Variants in ANKRD30B observed in about 807,000 individuals in gnomAD.
ANKRD30B encodes ankyrin repeat domain 30B.
In ANKRD30B, 144 loss-of-function variants were observed where a neutral mutation model predicts 202.2. The ratio of observed to expected loss-of-function variants is 0.71; its 90% confidence interval spans 0.62 to 0.82. The LOEUF (loss-of-function observed/expected upper bound fraction) is 0.82. Among genes scored for constraint, ANKRD30B ranks in the 40% least tolerant of loss-of-function variants. The pLI is 0.00. For missense variants in ANKRD30B, 1,487 were observed against 1,669.1 expected, an observed-to-expected ratio of 0.89 and a Z score of 1.90; for synonymous variants, 508 against 561.3, an observed-to-expected ratio of 0.91 and a Z score of 1.34.
At chr18:14,796,897 A>C (rs115909291) in intron 18 of ANKRD30B, among the ~76,000 whole-genome samples, 1,530 of 152,304 alleles carry the variant, frequency 0.01, 23 homozygotes, top group African/African-American at 0.035. Context: ...TTCTGTAACT[A>C]ACATCTGTAT....
chr18:14,846,680 T>G (rs1369634613), intron 39 of ANKRD30B, among the ~76,000 whole-genome samples: 1 of 152,126 alleles, frequency 6.6e-6, no homozygotes, highest in Non-Finnish European at 1.5e-5. Context: ...TAAAATCACC[T>G]TGTTTATTGC....
the ANKRD30B span, among the ~76,000 whole-genome samples, chr18:14,937,027 A>G: frequency 6.6e-6 from 1 of 152,210 alleles, no homozygotes; most frequent in Admixed American, 6.5e-5. Flanking sequence ...GAAGGACTGC[A>G]GAGCCCAAGC....
intron 6 of ANKRD30B, among the ~76,000 whole-genome samples, chr18:14,762,096 T>C (rs1296813733): frequency 6.6e-6 from 1 of 152,220 alleles, no homozygotes; most frequent in Non-Finnish European, 1.5e-5. Context: ...TATTCACTAT[T>C]TATTAAGTGG....
chr18:14,849,212 G>A (rs890929656), intron 40 of ANKRD30B, among the ~76,000 whole-genome samples: 2 of 151,554 alleles, frequency 1.3e-5, no homozygotes, highest in African/African-American at 2.4e-5. Flanking sequence ...TTAATTTTTT[G>A]TATTATAAAT....
rs572046715 is a variant in ANKRD30B, at chr18:14,769,346, A to G, written c.1229A>G (p.Asp410Gly). Residue 410 changes from aspartate (D) to glycine (G), a missense_variant, in exon 8 of 44, where the codon GAT (aspartate) becomes GGT (glycine). Physicochemically the swap from Asp to Gly is moderately conservative, Grantham distance 94 (BLOSUM62 -1). Coordinates refer to ENST00000690538, the MANE Select transcript of ANKRD30B (RefSeq NM_001367607.2). ...TTTTACTTTTTTTCTTTAATAGTGG[A>G]TGTGAGTTCTGTAGAGCCTATATTC... ...ETSTKASTNV[D>G]VSSVEPIFSL... 1 of 1,541,704 alleles carries G rather than the reference A, an allele frequency of 6.5e-7. No homozygotes were observed. Among genetic ancestry groups the G allele is most frequent in the Non-Finnish European group, 8.8e-7 (1 of 1,141,632 alleles).
At chr18:14,926,522 A>T in the ANKRD30B span, among the ~76,000 whole-genome samples, 1 of 152,262 alleles carries the variant, frequency 6.6e-6, no homozygotes, top group Admixed American at 6.5e-5. Flanking sequence ...GCTGTGGCAC[A>T]GGTGTGGACC....
chr18:14,899,593 G>A, the ANKRD30B span, among the ~76,000 whole-genome samples: 1 of 151,906 alleles, frequency 6.6e-6, no homozygotes, highest in Admixed American at 6.6e-5. Flanking sequence ...CAAAACATGC[G>A]ACCAACTCCA....
At chr18:14,891,255 AT>A in the ANKRD30B span, among the ~76,000 whole-genome samples, 1 of 151,158 alleles carries the variant, frequency 6.6e-6, no homozygotes, top group Non-Finnish European at 1.5e-5. Context: ...TCTCTTATTT[AT>A]TTTTTTGACT....
intron 32 of ANKRD30B, among the ~76,000 whole-genome samples, chr18:14,826,691 TCTCACACA>T (rs1356532804): frequency 8.3e-5 from 7 of 83,840 alleles, no homozygotes; most frequent in African/African-American, 2.1e-4. Context: ...TCTCTCTCTC[TCTCACACA>T]CACACACACA....
At chr18:14,922,911 T>C in the ANKRD30B span, among the ~76,000 whole-genome samples, 2 of 152,122 alleles carry the variant, frequency 1.3e-5, no homozygotes, top group African/African-American at 4.8e-5. Context: ...AGACTTGGTT[T>C]TGCATCTTGG....
chr18:14,772,069 T>G, intron 8 of ANKRD30B, 87 bp from the exon 9 acceptor site: 5 of 758,814 alleles, frequency 6.6e-6, no homozygotes, highest in Non-Finnish European at 9.8e-6. Context: ...TTTCATTTTA[T>G]AGAGTGAGCA....
chr18:14,888,455 C>A, the ANKRD30B span, among the ~76,000 whole-genome samples: 5 of 152,084 alleles, frequency 3.3e-5, no homozygotes, highest in African/African-American at 1.2e-4. Flanking sequence ...CATGATTGTA[C>A]AACCAGTTTT....
At chr18:14,919,148 T>C in the ANKRD30B span, among the ~76,000 whole-genome samples, 4 of 152,194 alleles carry the variant, frequency 2.6e-5, no homozygotes, top group Non-Finnish European at 5.9e-5. Flanking sequence ...TTGAGACAGT[T>C]TCATTGCCCA....
At chr18:14,864,956 C>T in the ANKRD30B span, among the ~76,000 whole-genome samples, 1 of 151,950 alleles carries the variant, frequency 6.6e-6, no homozygotes, top group East Asian at 2.0e-4. Flanking sequence ...AAAGCCTTCC[C>T]CGCTTCCCGC....
the ANKRD30B span, among the ~76,000 whole-genome samples, chr18:14,937,936 G>C: frequency 6.6e-6 from 1 of 152,170 alleles, no homozygotes; most frequent in Non-Finnish European, 1.5e-5. Flanking sequence ...ACCGTTTCAA[G>C]ATGTACATCC....
At chr18:14,923,073 T>A in the ANKRD30B span, among the ~76,000 whole-genome samples, 2 of 152,282 alleles carry the variant, frequency 1.3e-5, no homozygotes, top group Non-Finnish European at 2.9e-5. Flanking sequence ...ACCTGCCGAA[T>A]AAAGAGTCCA....
At chr18:14,864,615 A>C in the ANKRD30B span, among the ~76,000 whole-genome samples, 106 of 149,578 alleles carry the variant, frequency 7.1e-4, 1 homozygote, top group African/African-American at 2.5e-3. Flanking sequence ...CTTTTCCCCA[A>C]CGTCTTTTCT....
intron 39 of ANKRD30B, among the ~76,000 whole-genome samples, chr18:14,844,147 C>A (rs1163586123): frequency 6.6e-6 from 1 of 152,038 alleles, no homozygotes; most frequent in Admixed American, 6.6e-5. Flanking sequence ...ATATTAGGTT[C>A]TTTATAGAAT....
At chr18:14,772,482 C>T (rs1217962149) in intron 9 of ANKRD30B, among the ~76,000 whole-genome samples, 1 of 151,378 alleles carries the variant, frequency 6.6e-6, no homozygotes, top group Non-Finnish European at 1.5e-5. Flanking sequence ...TACATAGTGA[C>T]AGGAACATTA....
Sources: gnomAD v4.1 joint callset for allele counts (sites outside exome capture counted in the v4.1 genomes callset) on GRCh38, gnomAD v4.1.1 for gene constraint, MANE v1.5 for transcripts, NCBI Gene and HGNC (gene_info 2026-07-23, HGNC 2026-07-21) for gene names.